The following CACNA2D4 variants were observed in gnomAD, a reference collection of about 807,000 sequenced individuals.
CACNA2D4 encodes the protein voltage-dependent calcium channel subunit alpha-2/delta-4.
Under a neutral mutation model 163.8 loss-of-function variants are expected in CACNA2D4, and 157 were observed. The observed-to-expected ratio is 0.96, with a 90% CI of 0.84 to 1.09. CACNA2D4 has a LOEUF of 1.09. Ranked by LOEUF, CACNA2D4 falls within the 50% of genes least tolerant of loss-of-function variation. The pLI is 0.00. For missense variants in CACNA2D4, 1,410 were observed against 1,479.9 expected, an observed-to-expected ratio of 0.95 and a Z score of 0.78; for synonymous variants, 598 against 586.9, an observed-to-expected ratio of 1.02 and a Z score of -0.27.
intron 13 of CACNA2D4, among the ~76,000 whole-genome samples, chr12:1,881,656 CCT>C (rs753934151): frequency 6.6e-6 from 1 of 152,244 alleles, no homozygotes; most frequent in Non-Finnish European, 1.5e-5. Context: ...TCCCCACCCA[CCT>C]CTCTCTCATC....
rs1367472957 is a variant in CACNA2D4, at chr12:1,802,349, T to C, written c.2722-705A>G. 6.6e-6 allele frequency among the ~76,000 whole-genome samples: 1 copy of C among 152,146 alleles called. No homozygotes were observed. The highest frequency in any genetic ancestry group is 1.5e-5 in the Non-Finnish European group (1 of 68,018). ...TCATCTTACTCAAATGCAACATGGA[T>C]GGGTCACTCTTGCCTTCATTTCCAA... is the stretch of plus-strand genomic sequence containing the variant. On this transcript the variant is annotated intron_variant, in intron 29 of 37. Transcript: ENST00000382722. The surrounding 1 kb of genome is among the most constrained non-coding windows in gnomAD (Gnocchi z 4.7).
chr12:1,841,940 C>T (rs1235522960), intron 25 of CACNA2D4, among the ~76,000 whole-genome samples: 1 of 152,172 alleles, frequency 6.6e-6, no homozygotes, highest in Non-Finnish European at 1.5e-5. Context: ...CCCATGATGA[C>T]GAAGGGACAA....
At position 1,844,433 on chromosome 12, in the gene CACNA2D4, G is replaced by A. The variant is rs1238015257; in HGVS notation, c.2439C>T (p.Phe813=). 3.7e-6 allele frequency: 6 copies of A among 1,613,480 alleles called. No homozygotes were observed. Among genetic ancestry groups the A allele is most frequent in the South Asian group, 1.1e-5 (1 of 90,960 alleles). ...CTTCTGCCCAGCGGAGGTTGAAGACGAAGCTGCCAGCAGGATGCTCTGAGG... is the reference window on the plus strand; with the variant it reads ...CTTCTGCCCAGCGGAGGTTGAAGACAAAGCTGCCAGCAGGATGCTCTGAGG... The part of the protein sequence containing the change: ...RQASEHPAGS[F]VFNLRWAEGP... The change falls in exon 25 of 38, where the codon TTC becomes TTT. Residue 813 remains phenylalanine (F), a synonymous_variant. Transcript: ENST00000382722. The surrounding 1 kb of genome is among the most constrained non-coding windows in gnomAD (Gnocchi z 4.2).
chr12:1,850,281 A>G (rs950542672), intron 23 of CACNA2D4, among the ~76,000 whole-genome samples: 1 of 152,230 alleles, frequency 6.6e-6, no homozygotes, highest in African/African-American at 2.4e-5. Context: ...GAGAAGTCCA[A>G]TCTGGGCATA....
At chr12:1,901,883 C>T (rs897171315) in intron 6 of CACNA2D4, among the ~76,000 whole-genome samples, 1 of 151,960 alleles carries the variant, frequency 6.6e-6, no homozygotes, top group East Asian at 1.9e-4. Context: ...TGAAACCCAA[C>T]AAAGACATAC....
chr12:1,882,982 G>A lies in CACNA2D4; in HGVS notation c.1370C>T (p.Ser457Leu), dbSNP rs1478791085. 1 of 1,612,908 alleles carries A rather than the reference G, an allele frequency of 6.2e-7. No homozygotes were observed. Among genetic ancestry groups the A allele is most frequent in the Non-Finnish European group, 8.5e-7 (1 of 1,179,574 alleles). The change falls in exon 13 of 38, where the codon TCA becomes TTA. Residue 457 changes from serine to leucine, a missense_variant. Ser to Leu is a moderately radical substitution (Grantham distance 145). Coordinates refer to ENST00000382722, the MANE Select transcript of CACNA2D4 (RefSeq NM_172364.5). ...CNNKGYYTQI[S>L]TLADTQENVM... is the part of the protein sequence containing the mutation. Reference sequence around the variant, plus strand: ...GTTCTCCTGGGTGTCCGCCAGCGTTGAGATCTGCGTGTAGTAGCCTGCGGT... The same window carrying A: ...GTTCTCCTGGGTGTCCGCCAGCGTTAAGATCTGCGTGTAGTAGCCTGCGGT...
chr12:1,808,093 G>A (rs1863599483), intron 29 of CACNA2D4, among the ~76,000 whole-genome samples: 1 of 152,184 alleles, frequency 6.6e-6, no homozygotes. Flanking sequence ...GTGAGCAAAT[G>A]TGGTCTGGAC....
rs541340643 is a variant in CACNA2D4 at position 1,884,699 on chromosome 12, C to T, written c.1272+69G>A. On this transcript the variant is annotated intron_variant, in intron 11 of 37. Transcript: ENST00000382722. ...GAATGGGGGCCATCCTTCTAGGGTC[C>T]CTGCTGGTGATCCCATCCATGGCAG... is the stretch of plus-strand genomic sequence containing the variant. 3.5e-3 allele frequency: 3,542 copies of T among 1,011,040 alleles called. 78 individuals are homozygous for T. The highest frequency in any genetic ancestry group is 0.034 in the South Asian group (2,462 of 73,140). The allele number at this position is 1,011,040 out of a possible 1,614,324, so 62.6% of individuals were successfully genotyped here. A position where few individuals can be genotyped will look rare whatever the true frequency, so the allele number is the denominator to read the frequency against.
At chr12:1,816,901 A>G (rs193073963) in intron 26 of CACNA2D4, among the ~76,000 whole-genome samples, 4 of 152,230 alleles carry the variant, frequency 2.6e-5, no homozygotes, top group Admixed American at 1.3e-4. Context: ...CACGTGCACC[A>G]TGCACATGCA....
intron 22 of CACNA2D4, among the ~76,000 whole-genome samples, chr12:1,855,101 C>T (rs11062006): frequency 0.14 from 20,934 of 151,984 alleles, 1,828 homozygotes; most frequent in East Asian, 0.42. Context: ...CTGTTCATGG[C>T]GCTTATCACA....
At chr12:1,885,319 C>T (rs557810732) in intron 9 of CACNA2D4, among the ~76,000 whole-genome samples, 9 of 152,154 alleles carry the variant, frequency 5.9e-5, no homozygotes, top group African/African-American at 1.4e-4. Context: ...TGATGGGAAA[C>T]GCCAAGTGTG....
At position 1,907,531 on chromosome 12, in the gene CACNA2D4, C is replaced by G. The variant is rs770141721; in HGVS notation, c.690G>C (p.Leu230Phe). 6.2e-6 allele frequency: 10 copies of G among 1,613,298 alleles called. No individual in the cohort carries two copies. Among genetic ancestry groups the G allele is most frequent in the Middle Eastern group, 3.3e-4 (2 of 6,082 alleles). ...ILNGVYMSEA[L>F]NAVFVENFQR... ...GGAAGTTCTCCACGAAGACAGCATT[C>G]AAGGCTTCAGACATGTAGACTCCAT... Residue 230 changes from leucine to phenylalanine, a missense_variant, in exon 6 of 38, where the codon TTG becomes TTC. Transcript: ENST00000382722.
intron 25 of CACNA2D4, among the ~76,000 whole-genome samples, chr12:1,842,428 C>T (rs978683887): frequency 6.6e-6 from 1 of 152,192 alleles, no homozygotes; most frequent in Non-Finnish European, 1.5e-5. Context: ...CCCCTTGAAA[C>T]GCGGTTGTTT....
chr12:1,865,979 C>T (rs1178615857), intron 18 of CACNA2D4, among the ~76,000 whole-genome samples: 3 of 152,210 alleles, frequency 2.0e-5, no homozygotes, highest in African/African-American at 7.2e-5. Flanking sequence ...TTTACTTCTT[C>T]CTTCCTTGTC....
At chr12:1,842,042 G>C (rs533468774) in intron 25 of CACNA2D4, among the ~76,000 whole-genome samples, 1 of 152,328 alleles carries the variant, frequency 6.6e-6, no homozygotes, top group East Asian at 1.9e-4. Context: ...TTCTGGGACA[G>C]ACCTTCCGTC....
At chr12:1,801,195 CA>C in intron 30 of CACNA2D4, 77 bp from the exon 31 acceptor site, 1 of 1,225,610 alleles carries the variant, frequency 8.2e-7, no homozygotes. Context: ...GCTTTACTAG[CA>C]GAGCATCCGT....
rs575750079 is a variant in CACNA2D4, at chr12:1,874,910, A to C, written c.1807-235T>G. Among the ~76,000 whole-genome samples the C allele has an allele frequency of 9.8e-5, 15 of 152,328 alleles. No homozygotes were observed. The highest frequency in any genetic ancestry group is 2.1e-4 in the Non-Finnish European group (14 of 68,040). On this transcript the variant is annotated intron_variant, in intron 17 of 37. Transcript: ENST00000382722. This position sits in a 1 kb window ranked among gnomAD's most constrained non-coding sequence, Gnocchi z 4.4. ...TGTGCACTGATGCATTGGGGTACAG[A>C]GTGCCAAGTTGCTGGGACATAATTT...
intron 6 of CACNA2D4, among the ~76,000 whole-genome samples, chr12:1,894,451 G>A (rs951236922): frequency 3.9e-5 from 6 of 152,026 alleles, no homozygotes; most frequent in Non-Finnish European, 5.9e-5. Context: ...AAAACTACAG[G>A]CCAGTATCTC....
intron 20 of CACNA2D4, among the ~76,000 whole-genome samples, chr12:1,857,909 C>T (rs1318736041): frequency 6.6e-6 from 1 of 152,092 alleles, no homozygotes; most frequent in Non-Finnish European, 1.5e-5. Flanking sequence ...TGAGTGGTGT[C>T]CTTATAAGAA....
Sources: gnomAD v4.1 joint callset for allele counts (sites outside exome capture counted in the v4.1 genomes callset) on GRCh38, gnomAD v4.1.1 for gene constraint, Gnocchi (gnomAD v3.1) non-coding constraint, MANE v1.5 for transcripts, NCBI Gene and HGNC (gene_info 2026-07-23, HGNC 2026-07-21) for gene names.